Variants in SEC61A1 observed in about 807,000 individuals in gnomAD.
SEC61A1 encodes protein transport protein Sec61 subunit alpha isoform 1.
In SEC61A1, 15 loss-of-function variants were observed where a neutral mutation model predicts 55.2. The observed-to-expected ratio is 0.27, with a 90% CI of 0.18 to 0.42. The LOEUF (loss-of-function observed/expected upper bound fraction) is 0.42. Ranked by LOEUF, SEC61A1 falls within the 10% of genes least tolerant of loss-of-function variation. The pLI is 1.00. For synonymous variants in SEC61A1, 247 were observed against 234.0 expected, an observed-to-expected ratio of 1.06 and a Z score of -0.51; for missense variants, 284 against 602.6, an observed-to-expected ratio of 0.47 and a Z score of 5.53.
chr3:128,052,705 A>G, intron 1 of SEC61A1, 130 bp from the exon 2 acceptor site: 6 of 1,496,708 alleles, frequency 4.0e-6, no homozygotes, highest in Non-Finnish European at 5.5e-6. Context: ...GAGTATCCCC[A>G]CGCGTCCGGG....
intron 4 of SEC61A1, 117 bp from the exon 5 acceptor site, chr3:128,056,592 T>C: frequency 1.1e-6 from 1 of 876,150 alleles, no homozygotes; most frequent in Non-Finnish European, 1.7e-6. Flanking sequence ...GCTAGGAAAC[T>C]GAAACACATT....
intron 7 of SEC61A1, among the ~76,000 whole-genome samples, chr3:128,061,544 A>G (rs1941853388): frequency 6.6e-6 from 1 of 152,216 alleles, no homozygotes; most frequent in South Asian, 2.1e-4. Context: ...AGACCATATT[A>G]TCTCATTAAT....
In SEC61A1 at chr3:128,070,271, C is replaced by G. The variant is rs1374981636; in HGVS notation, c.*609C>G. 1 of 152,292 alleles carries G rather than the reference C, an allele frequency of 6.6e-6. No individual in the cohort carries two copies. The highest frequency in any genetic ancestry group is 1.5e-5 in the Non-Finnish European group (1 of 68,100). The allele number at this position is 152,292 out of a possible 1,614,324, so 9.4% of individuals were successfully genotyped here. ...AGAGGGATGGCTTTCCCAGAAGACACTCCTGGCCATCTGTGGATTTGTCTG... is the reference window on the plus strand; with the variant it reads ...AGAGGGATGGCTTTCCCAGAAGACAGTCCTGGCCATCTGTGGATTTGTCTG... On this transcript the variant is annotated 3_prime_UTR_variant, in exon 12 of 12. Transcript: ENST00000243253.
At chr3:128,060,397 G>A in intron 6 of SEC61A1, 111 bp from the exon 7 acceptor site, 1 of 1,251,138 alleles carries the variant, frequency 8.0e-7, no homozygotes, top group Non-Finnish European at 1.1e-6. Flanking sequence ...GGCTGAGGAT[G>A]TGATCTCATT....
intron 2 of SEC61A1, among the ~76,000 whole-genome samples, chr3:128,054,529 C>G (rs1166646118): frequency 6.6e-6 from 1 of 152,218 alleles, no homozygotes; most frequent in Admixed American, 6.5e-5. Context: ...GGCCGTATGA[C>G]TGTGTCCTAC....
intron 7 of SEC61A1, 156 bp from the exon 8 acceptor site, chr3:128,064,721 G>A: frequency 1.6e-6 from 1 of 624,156 alleles, no homozygotes; most frequent in Non-Finnish European, 2.8e-6. Context: ...AGAAGGGAGG[G>A]ATGAGAATAA....
chr3:128,056,248 T>C (rs1177495496), intron 4 of SEC61A1, among the ~76,000 whole-genome samples: 2 of 152,218 alleles, frequency 1.3e-5, no homozygotes, highest in Admixed American at 1.3e-4. Flanking sequence ...TTAAAAAATA[T>C]AGTTCAATTA....
rs377517878 is a variant in SEC61A1, at chr3:128,067,957, A to C, written c.1168-26A>C. ...ATTTCCCCTTCAGCCTCCAATTCCAACTTCTCCCCTGTGGGCACCCTGCAG... is the reference window on the plus strand; with the variant it reads ...ATTTCCCCTTCAGCCTCCAATTCCACCTTCTCCCCTGTGGGCACCCTGCAG... On this transcript the variant is annotated intron_variant, in intron 10 of 11. Transcript: ENST00000243253. This position sits in a 1 kb window ranked among gnomAD's most constrained non-coding sequence, Gnocchi z 4.1. 12 of 1,606,928 alleles carry C rather than the reference A, an allele frequency of 7.5e-6. No individual in the cohort carries two copies. The highest frequency in any genetic ancestry group is 1.7e-5 in the Admixed American group (1 of 59,922).
chr3:128,051,866 C>G, upstream of SEC61A1: 1 of 1,536,048 alleles, frequency 6.5e-7, no homozygotes, highest in South Asian at 1.2e-5. Context: ...ACACCCACGA[C>G]AAGCCTCCGG....
intron 7 of SEC61A1, among the ~76,000 whole-genome samples, chr3:128,062,894 G>C (rs4857864): frequency 0.86 from 131,249 of 152,198 alleles, 56,790 homozygotes; most frequent in African/African-American, 0.93. Flanking sequence ...CTGCAGCACC[G>C]AAACTCAATG....
intron 7 of SEC61A1, among the ~76,000 whole-genome samples, chr3:128,062,911 A>C (rs1941871158): frequency 6.6e-6 from 1 of 152,196 alleles, no homozygotes; most frequent in South Asian, 2.1e-4. Context: ...AATGTCAGGC[A>C]CTTGGGGTCT....
At chr3:128,052,427 G>A, upstream of SEC61A1, 1 of 1,339,666 alleles carries the variant, frequency 7.5e-7, no homozygotes, top group Non-Finnish European at 9.6e-7. Flanking sequence ...CTTGCCGCCG[G>A]GCTAGCACTG....
In SEC61A1 at chr3:128,052,525, G is replaced by A. The variant is rs755515704; in HGVS notation, c.-28G>A. On this transcript the variant is annotated 5_prime_UTR_variant, in exon 1 of 12. Transcript: ENST00000243253. ...ACGCGGAGCAGAGCTGAGCTGAAGC[G>A]GGACCCGGAGCCCGAGCAGCCGCCG... 1.4e-5 allele frequency: 23 copies of A among 1,594,576 alleles called. No individual in the cohort carries two copies. Among genetic ancestry groups the A allele is most frequent in the Non-Finnish European group, 1.9e-5 (22 of 1,171,584 alleles).
At chr3:128,060,468 G>A (rs759419445) in intron 6 of SEC61A1, 40 bp from the exon 7 acceptor site, 3 of 1,606,324 alleles carry the variant, frequency 1.9e-6, no homozygotes, top group Admixed American at 3.4e-5. Flanking sequence ...TGTCCGTGGG[G>A]AGCAGTAACA....
intron 5 of SEC61A1, among the ~76,000 whole-genome samples, chr3:128,058,977 TTAAA>T (rs1170020753): frequency 6.6e-6 from 1 of 152,230 alleles, no homozygotes; most frequent in Non-Finnish European, 1.5e-5. Context: ...GGAGCACTTT[TTAAA>T]AAGTCAAATA....
intron 8 of SEC61A1, 91 bp from the exon 9 acceptor site, chr3:128,066,863 G>A (rs1275809140): frequency 4.8e-6 from 6 of 1,247,242 alleles, no homozygotes; most frequent in Non-Finnish European, 5.7e-6. Context: ...CTCCCTTGTG[G>A]CCCACTGGAC....
chr3:128,067,355 A>G lies in SEC61A1; in HGVS notation c.976-66A>G. 2 of 1,519,158 alleles carry G rather than the reference A, an allele frequency of 1.3e-6. No individual in the cohort carries two copies. Among genetic ancestry groups the G allele is most frequent in the Admixed American group, 3.8e-5 (2 of 52,178 alleles). 94.1% of individuals were successfully genotyped at this position (1,519,158 alleles called of 1,614,324 possible). On this transcript the variant is annotated intron_variant, in intron 9 of 11. Coordinates refer to ENST00000243253, the MANE Select transcript of SEC61A1 (RefSeq NM_013336.4). The surrounding 1 kb of genome is among the most constrained non-coding windows in gnomAD (Gnocchi z 4.1). ...TGCATTCTTTCATCTGCTCAGAACT[A>G]TTTTTGCCTTGATGCTAAAGTAAAA...
chr3:128,068,722 G>A (rs1489579178), intron 11 of SEC61A1: 1 of 153,004 alleles, frequency 6.5e-6, no homozygotes, highest in East Asian at 1.9e-4. Context: ...AGGTAAGGAA[G>A]GGCAAAGTCC....
At chr3:128,065,977 C>T (rs1054240777) in intron 8 of SEC61A1, among the ~76,000 whole-genome samples, 3 of 151,874 alleles carry the variant, frequency 2.0e-5, no homozygotes, top group African/African-American at 4.8e-5. Flanking sequence ...CTCCTGACCT[C>T]GTGATCCGCC....
Sources: gnomAD v4.1 joint callset for allele counts (sites outside exome capture counted in the v4.1 genomes callset) on GRCh38, gnomAD v4.1.1 for gene constraint, Gnocchi (gnomAD v3.1) non-coding constraint, MANE v1.5 for transcripts, NCBI Gene and HGNC (gene_info 2026-07-23, HGNC 2026-07-21) for gene names.